CAMTA2: variants seen among roughly 807,000 people sequenced by gnomAD.
CAMTA2 encodes the protein calmodulin-binding transcription activator 2.
Under a neutral mutation model 135.7 loss-of-function variants are expected in CAMTA2, and 56 were observed. The observed-to-expected ratio is 0.41, with a 90% CI of 0.33 to 0.52. CAMTA2 has a LOEUF of 0.52. Among genes scored for constraint, CAMTA2 ranks in the 20% least tolerant of loss-of-function variants. The pLI, the probability that CAMTA2 is intolerant of heterozygous loss-of-function variation, is 0.16. For synonymous variants in CAMTA2, 591 were observed against 604.6 expected (o/e 0.98, Z 0.33); for missense variants, 1,358 against 1,553.4 (o/e 0.87, Z 2.11).
chr17:4,977,185 C>G lies in CAMTA2; in HGVS notation c.1773G>C (p.Glu591Asp), dbSNP rs779629981. The G allele has an allele frequency of 6.2e-7, 1 of 1,613,764 alleles. No homozygotes were observed. Among genetic ancestry groups the G allele is most frequent in the Admixed American group, 1.7e-5 (1 of 60,004 alleles). Residue 591 changes from glutamate (E) to aspartate (D), a missense_variant, in exon 11 of 23, where the codon GAG (glutamate) becomes GAC (aspartate). Physicochemically the swap from Glu to Asp is conservative, Grantham distance 45. Coordinates refer to ENST00000348066, the MANE Select transcript of CAMTA2 (RefSeq NM_015099.4). The stretch of plus-strand genomic sequence containing the variant: ...CCACCTGCAAAGACACCAGCCCTAC[C>G]TCATGGGCTGGAGAGGGTAGGATCA... Reference protein sequence around the residue: ...GVLRCYCPAHEVGLVSLQVAG... With the variant: ...GVLRCYCPAHDVGLVSLQVAG...
In CAMTA2 at chr17:4,982,163, GC is replaced by G; in HGVS notation, c.340-4del. 1 of 980,770 alleles carries G rather than the reference GC, an allele frequency of 1.0e-6. No homozygotes were observed. The highest frequency in any genetic ancestry group is 1.5e-6 in the Non-Finnish European group (1 of 657,058). 60.8% of individuals were successfully genotyped at this position (980,770 alleles called of 1,614,324 possible). On this transcript the variant is annotated splice_polypyrimidine_tract_variant and splice_region_variant and intron_variant, in intron 5 of 22. Coordinates refer to ENST00000348066, the MANE Select transcript of CAMTA2 (RefSeq NM_015099.4). ...TGAACGTAGCAGCCATAGAGACACT[GC>G]CAGGAGACAGGCTGGGGTGGGGGGA...
In CAMTA2 at chr17:4,974,643, C is replaced by T. The variant is rs544536547; in HGVS notation, c.1901-143G>A. 9.9e-6 allele frequency: 6 copies of T among 608,542 alleles called. No homozygotes were observed. In the African/African-American group the frequency reaches 1.1e-4, roughly 11 times the overall value. The allele number at this position is 608,542 out of a possible 1,614,324, so 37.7% of individuals were successfully genotyped here. On this transcript the variant is annotated intron_variant, in intron 11 of 22. Transcript: ENST00000348066. The stretch of plus-strand genomic sequence containing the variant: ...CCCCAAAACAACAGCTCCTTTACCC[C>T]TTCACCTAAATAAAGCCCACCAGGA...
chr17:4,987,225 G>C, intron 1 of CAMTA2: 1 of 1,341,914 alleles, frequency 7.5e-7, no homozygotes, highest in Non-Finnish European at 9.5e-7. Context: ...TCGGACGCTT[G>C]GCACTCTGGG....
Position 4,972,433 on chromosome 17 carries a change from C to T in CAMTA2, c.2607G>A (p.Leu869=), listed in dbSNP as rs751732857. 5.6e-6 allele frequency: 9 copies of T among 1,613,866 alleles called. No individual in the cohort carries two copies. The highest frequency in any genetic ancestry group is 4.4e-5 in the South Asian group (4 of 91,072). The change falls in exon 16 of 23, where the codon CTG becomes CTA. Residue 869 remains leucine (L), a synonymous_variant. Coordinates refer to ENST00000348066, the MANE Select transcript of CAMTA2 (RefSeq NM_015099.4). ...CCTCCATAGTCATCTCAGAGGCTGGCAGAGGTGCAGGGGGGGGACTGCCAT... is the reference window on the plus strand; with the variant it reads ...CCTCCATAGTCATCTCAGAGGCTGGTAGAGGTGCAGGGGGGGGACTGCCAT... ...APDGSPPPAP[L]PASEMTMEDM...
At chr17:4,979,647 T>TAGGAGGG in intron 9 of CAMTA2, 37 bp downstream of exon 9, 1 of 1,435,812 alleles carries the variant, frequency 7.0e-7, no homozygotes, top group Non-Finnish European at 9.7e-7. Context: ...AGAAGACAAA[T>TAGGAGGG]AGGAGGGAGG....
chr17:4,980,413 C>G lies in CAMTA2; in HGVS notation c.909G>C (p.Glu303Asp). The change falls in exon 9 of 23, where the codon GAG becomes GAC. Residue 303 changes from glutamate to aspartate, a missense_variant. Around this residue, in one of 4 missense-constraint regions of CAMTA2, gnomAD observed 1,077 missense variants for 1,127.5 expected, o/e 0.96. Coordinates refer to ENST00000348066, the MANE Select transcript of CAMTA2 (RefSeq NM_015099.4). The surrounding 1 kb of genome is among the most constrained non-coding windows in gnomAD (Gnocchi z 5.3). ...GAGGGCTAGGTCTGATTTCTAGGGG[C>G]TCTGCAAAACCTGATGAGGAGGAAG... The part of the protein sequence containing the change: ...SSSSSSSGFA[E>D]PLEIRPSPPT... The G allele has an allele frequency of 6.2e-7, 1 of 1,613,374 alleles. No individual in the cohort carries two copies. The highest frequency in any genetic ancestry group is 8.5e-7 in the Non-Finnish European group (1 of 1,179,910).
At chr17:4,987,463 G>T (rs1185486791) in intron 1 of CAMTA2, 130 bp downstream of exon 1, 36 of 1,388,092 alleles carry the variant, frequency 2.6e-5, no homozygotes, top group Non-Finnish European at 3.4e-5. Context: ...GAGGAGGACG[G>T]AAGCGGGAGG....
In CAMTA2 at chr17:4,969,481, C is replaced by G. The variant is rs778784108; in HGVS notation, c.3282+19G>C. 8 of 1,613,966 alleles carry G rather than the reference C, an allele frequency of 5.0e-6. No individual in the cohort carries two copies. The South Asian group carries it at 8.8e-5, about 18-fold the overall frequency. On this transcript the variant is annotated intron_variant, in intron 20 of 22. Coordinates refer to ENST00000348066, the MANE Select transcript of CAMTA2 (RefSeq NM_015099.4). The surrounding 1 kb of genome is among the most constrained non-coding windows in gnomAD (Gnocchi z 5.6). ...ACTGAATCATCACAGACCTCACACT[C>G]AGAGCTCATGCCTAATACCTTAAGT...
intron 9 of CAMTA2, among the ~76,000 whole-genome samples, chr17:4,979,105 G>C (rs558683570): frequency 6.6e-6 from 1 of 152,280 alleles, no homozygotes; most frequent in South Asian, 2.1e-4. Flanking sequence ...AAGGGAATGA[G>C]GTCCTAGGAG....
intron 2 of CAMTA2, 84 bp from the exon 3 acceptor site, chr17:4,986,067 A>G (rs1973260939): frequency 8.5e-7 from 1 of 1,169,610 alleles, no homozygotes; most frequent in Admixed American, 1.7e-5. Flanking sequence ...TGAAGGCAAT[A>G]CAGAGCACTG....
Position 4,969,995 on chromosome 17 carries a change from T to C in CAMTA2, c.3096A>G (p.Glu1032=), listed in dbSNP as rs1567682348. The C allele has an allele frequency of 1.2e-6, 2 of 1,614,122 alleles. No homozygotes were observed. The highest frequency in any genetic ancestry group is 3.3e-4 in the Middle Eastern group (2 of 6,062). ...FLSASTSGKM[E]SDFALLTLSD... is the part of the protein sequence containing the mutation. ...ATAGTGTCAGCAGGGCAAAATCACT[T>C]TCCATCTTGCCACTGGTGGATGCAG... The change falls in exon 18 of 23, where the codon GAA becomes GAG. Residue 1032 remains glutamate (E), a synonymous_variant. Transcript: ENST00000348066. This position sits in a 1 kb window ranked among gnomAD's most constrained non-coding sequence, Gnocchi z 5.6.
intron 5 of CAMTA2, among the ~76,000 whole-genome samples, chr17:4,982,404 G>A (rs1973012545): frequency 6.6e-6 from 1 of 152,156 alleles, no homozygotes; most frequent in South Asian, 2.1e-4. Context: ...GAAACCAGAG[G>A]GCAGAGCAAG....
intron 11 of CAMTA2, 176 bp from the exon 12 acceptor site, chr17:4,974,676 C>A: frequency 1.8e-6 from 1 of 566,424 alleles, no homozygotes. Flanking sequence ...GGACTCAGTC[C>A]TTAAACTAGG....
chr17:4,973,102 C>T, intron 14 of CAMTA2, 73 bp downstream of exon 14: 3 of 1,517,516 alleles, frequency 2.0e-6, no homozygotes, highest in South Asian at 1.1e-5. Context: ...CTGCATTCCT[C>T]AGGATCTTCC....
rs1041049175 is a variant in CAMTA2 at position 4,978,684 on chromosome 17, C to T, written c.1639-54G>A. 11 of 1,588,520 alleles carry T rather than the reference C, an allele frequency of 6.9e-6. No individual in the cohort carries two copies. The African/African-American group carries it at 9.4e-5, about 14-fold the overall frequency. On this transcript the variant is annotated intron_variant, in intron 9 of 22. Transcript: ENST00000348066. Reference sequence around the variant, plus strand: ...CTGGAGTTGGGCGTTCATCCCCTCACTCATTCATTTATTCAGACCCTTACA... The same window carrying T: ...CTGGAGTTGGGCGTTCATCCCCTCATTCATTCATTTATTCAGACCCTTACA...
chr17:4,973,837 A>G (rs948615234), intron 12 of CAMTA2, 68 bp from the exon 13 acceptor site: 21 of 1,392,412 alleles, frequency 1.5e-5, no homozygotes, highest in African/African-American at 2.9e-5. Context: ...GGCCTTGGCC[A>G]CCTCACATCT....
Position 4,968,591 on chromosome 17 carries a change from G to T in CAMTA2, c.*165C>A. 1 of 700,938 alleles carries T rather than the reference G, an allele frequency of 1.4e-6. No homozygotes were observed. Among genetic ancestry groups the T allele is most frequent in the Non-Finnish European group, 2.4e-6 (1 of 409,324 alleles). 43.4% of individuals were successfully genotyped at this position (700,938 alleles called of 1,614,324 possible). ...GGCACGACCAGGAGGGACGAGGAGA[G>T]GGGTGTGGGAGCAAGGCGTGGGGAG... On this transcript the variant is annotated 3_prime_UTR_variant, in exon 23 of 23. Coordinates refer to ENST00000348066, the MANE Select transcript of CAMTA2 (RefSeq NM_015099.4).
chr17:4,968,491 G>C lies in CAMTA2; in HGVS notation c.*265C>G, dbSNP rs1972045186. 4 of 568,562 alleles carry C rather than the reference G, an allele frequency of 7.0e-6. No individual in the cohort carries two copies. The East Asian group carries it at 1.2e-4, about 17-fold the overall frequency. The allele number at this position is 568,562 out of a possible 1,614,324, so 35.2% of individuals were successfully genotyped here. On this transcript the variant is annotated 3_prime_UTR_variant, in exon 23 of 23. Transcript: ENST00000348066. ...AGGAGCTGGGGAGCAGGGGCAGGCA[G>C]GGCTCCGGAGGTCACAGCGGAAGAT...
chr17:4,973,287 A>C (rs764472201), intron 13 of CAMTA2, 34 bp from the exon 14 acceptor site: 1 of 1,556,364 alleles, frequency 6.4e-7, no homozygotes, highest in Non-Finnish European at 8.9e-7. Context: ...GCAGAGCCCA[A>C]TGAGGGAAAA....
Sources: gnomAD v4.1 joint callset for allele counts (sites outside exome capture counted in the v4.1 genomes callset) on GRCh38, gnomAD v4.1.1 for gene constraint, gnomAD v4.1.1 regional missense constraint, Gnocchi (gnomAD v3.1) non-coding constraint, MANE v1.5 for transcripts, NCBI Gene and HGNC (gene_info 2026-07-23, HGNC 2026-07-21) for gene names.